The following ZNF695 variants were observed in gnomAD, a reference collection of about 807,000 sequenced individuals.
The protein encoded by ZNF695 is zinc finger protein SBZF3.
Under a neutral mutation model 11.2 loss-of-function variants are expected in ZNF695, and 11 were observed. The observed-to-expected ratio is 0.98, with a 90% CI of 0.62 to 1.62. The LOEUF (loss-of-function observed/expected upper bound fraction) is 1.62, where lower values mean the gene tolerates loss of function less well. Among genes scored for constraint, ZNF695 ranks in the 40% most tolerant of loss-of-function variants. ZNF695 has a pLI of 0.00. For synonymous variants in ZNF695, 190 were observed against 201.4 expected, an observed-to-expected ratio of 0.94 and a Z score of 0.48; for missense variants, 559 against 590.5, an observed-to-expected ratio of 0.95 and a Z score of 0.55.
chr1:246,982,045 C>T (rs1009274584), downstream of ZNF695, among the ~76,000 whole-genome samples: 4 of 152,038 alleles, frequency 2.6e-5, no homozygotes, highest in Middle Eastern at 3.4e-3. Context: ...ACGAGGTGGG[C>T]GGATCACGTG....
chr1:246,948,847 T>C (rs540706820), intron 5 of ZNF695, among the ~76,000 whole-genome samples: 2 of 152,278 alleles, frequency 1.3e-5, no homozygotes, highest in African/African-American at 4.8e-5. Flanking sequence ...CCCTAAGCCT[T>C]GCCTCTCCCT....
intron 4 of ZNF695, chr1:246,967,934 AAC>A (rs1430718204): frequency 6.0e-6 from 1 of 167,004 alleles, no homozygotes; most frequent in Non-Finnish European, 1.3e-5. Context: ...ACCCTCCTCC[AAC>A]ATTGAAGATT....
chr1:247,002,870 G>T (rs1023455743), intron 1 of ZNF695, among the ~76,000 whole-genome samples: 25 of 152,048 alleles, frequency 1.6e-4, no homozygotes, highest in Admixed American at 2.0e-4. Flanking sequence ...ATGGAAAAAA[G>T]TTCGACATCA....
At position 246,987,476 on chromosome 1, in the gene ZNF695, T is replaced by G; in HGVS notation, c.1039A>C (p.Thr347Pro). 1 of 1,611,784 alleles carries G rather than the reference T, an allele frequency of 6.2e-7. No homozygotes were observed. The highest frequency in any genetic ancestry group is 8.5e-7 in the Non-Finnish European group (1 of 1,178,934). ...SYLTQHRRIH[T>P]GEKTFRCEEC... ...TCACATCGGAAGGTTTTCTCTCCAGTATGAATTCTTCTATGTTGAGTAAGG... is the reference window on the plus strand; with the variant it reads ...TCACATCGGAAGGTTTTCTCTCCAGGATGAATTCTTCTATGTTGAGTAAGG... The change falls in exon 4 of 4, where the codon ACT becomes CCT. Residue 347 changes from threonine (T) to proline (P), a missense_variant. Transcript: ENST00000339986.
chr1:247,001,246 C>G (rs1330067560), intron 1 of ZNF695, among the ~76,000 whole-genome samples: 1 of 151,892 alleles, frequency 6.6e-6, no homozygotes, highest in Non-Finnish European at 1.5e-5. Context: ...TTATTTCAGA[C>G]AAAACAAACT....
At position 246,987,684 on chromosome 1, in the gene ZNF695, A is replaced by G; in HGVS notation, c.831T>C (p.Phe277=). 1 of 1,597,092 alleles carries G rather than the reference A, an allele frequency of 6.3e-7. No homozygotes were observed. Among genetic ancestry groups the G allele is most frequent in the Non-Finnish European group, 8.5e-7 (1 of 1,173,838 alleles). Residue 277 remains phenylalanine (F), a synonymous_variant, in exon 4 of 4, where the codon TTT becomes TTC. Transcript: ENST00000339986. ...GTTTAGTAAGAACTGAGCACAGGTT[A>G]AAAGCTTTGCCACATTCTTCACATC... is the stretch of plus-strand genomic sequence containing the variant. ...TYRCEECGKA[F]NLCSVLTKHK...
At position 246,985,698 on chromosome 1, in the gene ZNF695, AAAC is replaced by A. The variant is rs1668829351; in HGVS notation, c.*1266_*1268del. The A allele has an allele frequency of 3.0e-6, 3 of 985,322 alleles. No individual in the cohort carries two copies. The highest frequency in any genetic ancestry group is 6.1e-5 in the Admixed American group (1 of 16,262). 61.0% of individuals were successfully genotyped at this position (985,322 alleles called of 1,614,324 possible). A position where few individuals can be genotyped will look rare whatever the true frequency, so the allele number is the denominator to read the frequency against. ...TTATTACCTTAATGTGCAATAGGAA[AAAC>A]AACTGACTTGTAAAACTCAAATGTT... is the stretch of plus-strand genomic sequence containing the variant. On this transcript the variant is annotated 3_prime_UTR_variant, in exon 4 of 4. Coordinates refer to ENST00000339986, the MANE Select transcript of ZNF695 (RefSeq NM_020394.5).
chr1:246,966,495 T>A (rs1391410744), intron 5 of ZNF695, among the ~76,000 whole-genome samples: 1 of 151,506 alleles, frequency 6.6e-6, no homozygotes, highest in Non-Finnish European at 1.5e-5. Context: ...CCAAAAAAAA[T>A]TCAAAGTGAG....
intron 5 of ZNF695, among the ~76,000 whole-genome samples, chr1:246,947,368 C>T (rs182106074): frequency 2.0e-5 from 3 of 152,080 alleles, no homozygotes; most frequent in Admixed American, 2.0e-4. Context: ...GGACTATTGG[C>T]ATGCACCACT....
chr1:246,993,683 T>C (rs183509399), intron 3 of ZNF695, among the ~76,000 whole-genome samples: 219 of 152,212 alleles, frequency 1.4e-3, no homozygotes, highest in African/African-American at 5.0e-3. Flanking sequence ...TGGAGATATA[T>C]AAATTATCTT....
intron 5 of ZNF695, among the ~76,000 whole-genome samples, chr1:246,954,602 T>A (rs1323605421): frequency 2.0e-5 from 3 of 152,196 alleles, no homozygotes; most frequent in Non-Finnish European, 4.4e-5. Context: ...GGAATCAGGC[T>A]TCTATATATG....
intron 3 of ZNF695, among the ~76,000 whole-genome samples, chr1:246,997,511 AAAAAAAG>A (rs1669247253): frequency 6.6e-6 from 1 of 152,094 alleles, no homozygotes; most frequent in Non-Finnish European, 1.5e-5. Context: ...TCAAGAAAAA[AAAAAAAG>A]AAAAAAGAAC....
chr1:246,980,905 G>A (rs12045053), downstream of ZNF695, among the ~76,000 whole-genome samples: 80,355 of 152,028 alleles, frequency 0.53, 25,281 homozygotes, highest in East Asian at 0.97. Context: ...AAGCAAAAAT[G>A]AATGAAACTT....
Position 247,000,030 on chromosome 1 carries a change from C to T in ZNF695, c.48G>A (p.Glu16=), listed in dbSNP as rs1342584881. Residue 16 remains glutamate, a synonymous_variant, in exon 2 of 4, where the codon GAG becomes GAA. Coordinates refer to ENST00000339986, the MANE Select transcript of ZNF695 (RefSeq NM_020394.5). ...GAGCTGGGTCCAGGCATTCCCACTC[C>T]TCTGGAGAGAATTCTAGAGCCACAT... ...FRDVALEFSP[E]EWECLDPAQR... is the part of the protein sequence containing the mutation. The T allele has an allele frequency of 5.0e-6, 8 of 1,612,464 alleles. No homozygotes were observed. In the Admixed American group the frequency reaches 6.7e-5, roughly 14 times the overall value.
chr1:246,991,134 A>C (rs1156260350), intron 3 of ZNF695, among the ~76,000 whole-genome samples: 1 of 152,172 alleles, frequency 6.6e-6, no homozygotes, highest in East Asian at 1.9e-4. Flanking sequence ...TTAAAATTTT[A>C]AAACAATTCA....
chr1:246,994,828 C>T (rs6679140), intron 3 of ZNF695, among the ~76,000 whole-genome samples: 91,105 of 151,904 alleles, frequency 0.6, 29,362 homozygotes, highest in East Asian at 0.97. Context: ...CAGAGCAAGA[C>T]TCCGTCTCAA....
chr1:246,959,562 G>GA (rs1159581018), intron 5 of ZNF695, among the ~76,000 whole-genome samples: 1 of 151,178 alleles, frequency 6.6e-6, no homozygotes, highest in African/African-American at 2.4e-5. Context: ...AAGTAGCTGG[G>GA]ACTACAGGCG....
chr1:246,975,143 T>C (rs763038251), intron 4 of ZNF695, among the ~76,000 whole-genome samples: 1 of 152,216 alleles, frequency 6.6e-6, no homozygotes, highest in Non-Finnish European at 1.5e-5. Flanking sequence ...GTGAGTTCCA[T>C]AGGCTAAGGA....
chr1:246,948,940 C>G (rs531817327), intron 5 of ZNF695, among the ~76,000 whole-genome samples: 1 of 152,282 alleles, frequency 6.6e-6, no homozygotes, highest in Admixed American at 6.5e-5. Context: ...ATTACATACC[C>G]TATGTACAAT....
Sources: allele counts gnomAD v4.1 joint callset (sites outside exome capture counted in the v4.1 genomes callset), GRCh38; gene constraint gnomAD v4.1.1; transcripts MANE v1.5; gene names NCBI Gene and HGNC (gene_info 2026-07-23, HGNC 2026-07-21).